The following GPC6 variants were observed in gnomAD, a reference collection of about 807,000 sequenced individuals.
GPC6 encodes glypican-6.
In GPC6, 14 loss-of-function variants were observed where a neutral mutation model predicts 55.2. The observed-to-expected ratio is 0.25, with a 90% CI of 0.17 to 0.40. The LOEUF (loss-of-function observed/expected upper bound fraction) is 0.40, where lower values mean the gene tolerates loss of function less well. Ranked by LOEUF, GPC6 falls within the 10% of genes least tolerant of loss-of-function variation. The pLI is 1.00. For synonymous variants in GPC6, 278 were observed against 259.6 expected (o/e 1.07, Z -0.68); for missense variants, 641 against 708.5 (o/e 0.90, Z 1.08).
intron 2 of GPC6, among the ~76,000 whole-genome samples, chr13:93,634,001 A>C (rs754941593): frequency 6.6e-6 from 1 of 152,190 alleles, no homozygotes; most frequent in Non-Finnish European, 1.5e-5. Context: ...GATGAAAGTT[A>C]CTATTTGTTC....
chr13:93,502,987 T>G (rs1455050921), intron 1 of GPC6, among the ~76,000 whole-genome samples: 2 of 152,172 alleles, frequency 1.3e-5, no homozygotes, highest in African/African-American at 4.8e-5. Flanking sequence ...AAGAAGAGTT[T>G]AAACATTTGC....
At chr13:93,356,436 G>A (rs1323713190) in intron 1 of GPC6, among the ~76,000 whole-genome samples, 2 of 152,170 alleles carry the variant, frequency 1.3e-5, no homozygotes, top group Non-Finnish European at 2.9e-5. Flanking sequence ...CAGTGAAGAA[G>A]GCATTTCCCT....
chr13:93,267,143 G>A (rs1877349725), intron 1 of GPC6, among the ~76,000 whole-genome samples: 1 of 152,114 alleles, frequency 6.6e-6, no homozygotes, highest in Admixed American at 6.5e-5. Context: ...TTAAAATGTG[G>A]AGATTTACAT....
At chr13:93,360,718 T>C (rs1185608316) in intron 1 of GPC6, among the ~76,000 whole-genome samples, 2 of 152,296 alleles carry the variant, frequency 1.3e-5, no homozygotes, top group East Asian at 3.9e-4. Flanking sequence ...TGATGAGTTA[T>C]CAGTGGATTA....
intron 4 of GPC6, among the ~76,000 whole-genome samples, chr13:94,171,696 CT>C (rs1164403985): frequency 6.6e-6 from 1 of 152,178 alleles, no homozygotes; most frequent in African/African-American, 2.4e-5. Context: ...TTGTTACCAG[CT>C]TGAGTTTCTT....
intron 4 of GPC6, among the ~76,000 whole-genome samples, chr13:94,104,669 A>G (rs1885987636): frequency 2.0e-5 from 3 of 152,190 alleles, no homozygotes; most frequent in South Asian, 4.1e-4. Flanking sequence ...TTATACACCA[A>G]CAACAGACAA....
chr13:94,294,831 G>A (rs1875238321), intron 5 of GPC6, among the ~76,000 whole-genome samples: 1 of 152,118 alleles, frequency 6.6e-6, no homozygotes, highest in African/African-American at 2.4e-5. Context: ...TTGTAAGGCA[G>A]TGAGCATATT....
chr13:93,249,084 T>G (rs1469844015), intron 1 of GPC6, among the ~76,000 whole-genome samples: 1 of 152,176 alleles, frequency 6.6e-6, no homozygotes, highest in Non-Finnish European at 1.5e-5. Context: ...GCATGTTAGA[T>G]TTGAAAAACT....
chr13:93,481,692 A>G (rs1227013288), intron 1 of GPC6, among the ~76,000 whole-genome samples: 3 of 151,850 alleles, frequency 2.0e-5, no homozygotes, highest in African/African-American at 7.3e-5. Context: ...TGTTGAATAC[A>G]CTGTAATTTC....
At chr13:93,410,975 C>T (rs1430917236) in intron 1 of GPC6, among the ~76,000 whole-genome samples, 1 of 152,168 alleles carries the variant, frequency 6.6e-6, no homozygotes, top group East Asian at 1.9e-4. Context: ...CCATATATGT[C>T]AATGACATTC....
At chr13:94,310,767 A>G (rs551191584) in intron 6 of GPC6, among the ~76,000 whole-genome samples, 4 of 151,654 alleles carry the variant, frequency 2.6e-5, no homozygotes, top group Non-Finnish European at 5.9e-5. Flanking sequence ...TTCTTTTCCA[A>G]TGGCCAAGTT....
chr13:93,896,000 A>G (rs1875992613), intron 3 of GPC6, among the ~76,000 whole-genome samples: 1 of 152,082 alleles, frequency 6.6e-6, no homozygotes, highest in African/African-American at 2.4e-5. Context: ...ACTATAATTA[A>G]CAATAACTTA....
At chr13:93,646,832 T>C (rs1220902651) in intron 2 of GPC6, among the ~76,000 whole-genome samples, 1 of 151,370 alleles carries the variant, frequency 6.6e-6, no homozygotes, top group Non-Finnish European at 1.5e-5. Context: ...ATAATTAGAT[T>C]TTTTGGTTCC....
At chr13:94,258,279 C>A (rs909557270) in intron 4 of GPC6, among the ~76,000 whole-genome samples, 1 of 152,110 alleles carries the variant, frequency 6.6e-6, no homozygotes, top group African/African-American at 2.4e-5. Context: ...TCCCCGGGGC[C>A]GACAAACATT....
At chr13:94,369,740 C>CTA (rs1879452629) in intron 6 of GPC6, among the ~76,000 whole-genome samples, 1 of 149,584 alleles carries the variant, frequency 6.7e-6, no homozygotes, top group Admixed American at 6.7e-5. Context: ...CATCTGAGAT[C>CTA]TCTCTCTCTC....
chr13:94,172,925 C>T (rs1270814641), intron 4 of GPC6, among the ~76,000 whole-genome samples: 1 of 152,160 alleles, frequency 6.6e-6, no homozygotes, highest in African/African-American at 2.4e-5. Flanking sequence ...AGGCTGTCAA[C>T]TCATAGTATC....
intron 2 of GPC6, among the ~76,000 whole-genome samples, chr13:93,660,343 G>A (rs1880869991): frequency 6.6e-6 from 1 of 151,998 alleles, no homozygotes; most frequent in Non-Finnish European, 1.5e-5. Flanking sequence ...GGTAGGTATG[G>A]AAAAAAATTT....
At position 94,119,988 on chromosome 13, in the gene GPC6, T is replaced by A. The variant is rs548770680; in HGVS notation, c.877+92094T>A. Among the ~76,000 whole-genome samples, 44 of 152,216 alleles carry A rather than the reference T, an allele frequency of 2.9e-4. No homozygotes were observed. The South Asian group carries it at 9.1e-3, about 32-fold the overall frequency. ...ATAGATGTAAATAGCTGCAAGAGCA[T>A]AGATGATATAGTAAAGCGTAATAGG... On this transcript the variant is annotated intron_variant, in intron 4 of 8. Coordinates refer to ENST00000377047, the MANE Select transcript of GPC6 (RefSeq NM_005708.5).
At chr13:93,714,846 T>C (rs1310568700) in intron 2 of GPC6, among the ~76,000 whole-genome samples, 1 of 151,592 alleles carries the variant, frequency 6.6e-6, no homozygotes, top group East Asian at 1.9e-4. Flanking sequence ...TTCATAAGCT[T>C]TTCATGGAAA....
Sources: allele counts gnomAD v4.1 joint callset (sites outside exome capture counted in the v4.1 genomes callset), GRCh38; gene constraint gnomAD v4.1.1; transcripts MANE v1.5; gene names NCBI Gene and HGNC (gene_info 2026-07-23, HGNC 2026-07-21).